GRIK3: variants seen among roughly 807,000 people sequenced by gnomAD.
The protein encoded by GRIK3 is glutamate receptor ionotropic, kainate 3.
In GRIK3, 29 loss-of-function variants were observed where a neutral mutation model predicts 102.5. The observed-to-expected ratio is 0.28, with a 90% CI of 0.21 to 0.39. The LOEUF (loss-of-function observed/expected upper bound fraction) is 0.39. Ranked by LOEUF, GRIK3 falls within the 10% of genes least tolerant of loss-of-function variation. The pLI is 1.00. For missense variants in GRIK3, 908 were observed against 1,252.4 expected, an observed-to-expected ratio of 0.73 and a Z score of 4.15; for synonymous variants, 511 against 504.9, an observed-to-expected ratio of 1.01 and a Z score of -0.16.
At chr1:36,804,831 A>C in intron 15 of GRIK3, 156 bp downstream of exon 15, 4 of 941,966 alleles carry the variant, frequency 4.2e-6, no homozygotes, top group Non-Finnish European at 6.4e-6. Flanking sequence ...AGGTCAGGAC[A>C]GAGGTAGAGT....
At chr1:36,962,263 T>A (rs1642018285) in intron 1 of GRIK3, among the ~76,000 whole-genome samples, 1 of 152,056 alleles carries the variant, frequency 6.6e-6, no homozygotes, top group African/African-American at 2.4e-5. Context: ...TCTCCATTCC[T>A]CTTATCTCTG....
rs1557690040 is a variant in GRIK3, at chr1:36,814,519, C to CA, written c.2091+2540_2091+2541insT. On this transcript the variant is annotated intron_variant, in intron 13 of 15. Coordinates refer to ENST00000373091, the MANE Select transcript of GRIK3 (RefSeq NM_000831.4). Reference sequence around the variant, plus strand: ...TATACACATACATAGACCCCCCCCCCCCACACACAGAGACACATATGCATG... The same window carrying CA: ...TATACACATACATAGACCCCCCCCCCACCACACACAGAGACACATATGCATG... Among the ~76,000 whole-genome samples the CA allele has an allele frequency of 1.4e-4, 19 of 135,718 alleles. No homozygotes were observed. The East Asian group carries it at 1.5e-3, about 10-fold the overall frequency. The allele number at this position is 135,718 out of a possible 152,430, so 89.0% of individuals were successfully genotyped here.
intron 10 of GRIK3, among the ~76,000 whole-genome samples, chr1:36,831,668 CTGTT>C (rs1640301481): frequency 6.6e-6 from 1 of 152,234 alleles, no homozygotes; most frequent in African/African-American, 2.4e-5. Flanking sequence ...AAAAGGTTCT[CTGTT>C]TGCACTGCCC....
intron 7 of GRIK3, among the ~76,000 whole-genome samples, chr1:36,854,266 T>C (rs765646080): frequency 7.2e-5 from 11 of 152,160 alleles, no homozygotes; most frequent in Non-Finnish European, 1.3e-4. Flanking sequence ...CGACCTTGGG[T>C]ATTTCATTTT....
chr1:36,973,183 G>A (rs1489918452), intron 1 of GRIK3, among the ~76,000 whole-genome samples: 2 of 152,146 alleles, frequency 1.3e-5, no homozygotes, highest in Non-Finnish European at 2.9e-5. Context: ...AGCATACAGA[G>A]GCCACCAGGG....
chr1:36,950,998 G>A (rs1227882329), intron 1 of GRIK3, among the ~76,000 whole-genome samples: 1 of 152,230 alleles, frequency 6.6e-6, no homozygotes, highest in Non-Finnish European at 1.5e-5. Context: ...TGTTAGCAGA[G>A]TTAGGGTGGA....
intron 3 of GRIK3, among the ~76,000 whole-genome samples, chr1:36,875,699 G>GT (rs1222005421): frequency 1.3e-5 from 2 of 152,240 alleles, no homozygotes; most frequent in Non-Finnish European, 2.9e-5. Flanking sequence ...CACCAAGCAG[G>GT]TGAGTGATCC....
In GRIK3 at chr1:36,850,307, T is replaced by C. The variant is rs759414698; in HGVS notation, c.1326+4A>G. The C allele has an allele frequency of 2.5e-6, 4 of 1,585,392 alleles. No homozygotes were observed. Among genetic ancestry groups the C allele is most frequent in the Non-Finnish European group, 3.5e-6 (4 of 1,153,926 alleles). ...TCCTTCCTGCAGGGGCTGCAGGCTCTTACCAGCACTGTGGTGACAATGAGT... is the reference window on the plus strand; with the variant it reads ...TCCTTCCTGCAGGGGCTGCAGGCTCCTACCAGCACTGTGGTGACAATGAGT... On this transcript the variant is annotated splice_donor_region_variant and intron_variant, in intron 9 of 15. Transcript: ENST00000373091. This position sits in a 1 kb window ranked among gnomAD's most constrained non-coding sequence, Gnocchi z 4.0.
At chr1:36,932,194 C>T (rs533940006) in intron 1 of GRIK3, among the ~76,000 whole-genome samples, 1 of 152,266 alleles carries the variant, frequency 6.6e-6, no homozygotes, top group Admixed American at 6.5e-5. Flanking sequence ...GCTGATTGAC[C>T]GTAACTCCAA....
intron 1 of GRIK3, among the ~76,000 whole-genome samples, chr1:37,033,475 A>C (rs1642851651): frequency 6.6e-6 from 1 of 151,886 alleles, no homozygotes; most frequent in South Asian, 2.1e-4. Flanking sequence ...GCCAAGGGCG[A>C]CCACCAGGAG....
At chr1:36,883,509 G>T (rs906524243) in intron 2 of GRIK3, among the ~76,000 whole-genome samples, 14 of 152,210 alleles carry the variant, frequency 9.2e-5, no homozygotes, top group African/African-American at 3.4e-4. Context: ...TGCAAGTATG[G>T]CTTTCCCTCT....
At chr1:36,989,205 C>T (rs775564835) in intron 1 of GRIK3, among the ~76,000 whole-genome samples, 3 of 152,216 alleles carry the variant, frequency 2.0e-5, no homozygotes, top group Non-Finnish European at 4.4e-5. Flanking sequence ...CACACACACA[C>T]GCATGCACAT....
intron 1 of GRIK3, among the ~76,000 whole-genome samples, chr1:36,938,630 C>T (rs1232145287): frequency 6.6e-6 from 1 of 152,114 alleles, no homozygotes; most frequent in African/African-American, 2.4e-5. Flanking sequence ...AAACCATCCC[C>T]CAGCAGCAGT....
At chr1:36,932,082 G>A (rs1056458350) in intron 1 of GRIK3, among the ~76,000 whole-genome samples, 3 of 152,026 alleles carry the variant, frequency 2.0e-5, no homozygotes, top group Non-Finnish European at 4.4e-5. Flanking sequence ...TATTGTTGTG[G>A]CTTCCTTGAG....
At chr1:37,031,662 G>T (rs1407779266) in intron 1 of GRIK3, among the ~76,000 whole-genome samples, 1 of 152,212 alleles carries the variant, frequency 6.6e-6, no homozygotes, top group South Asian at 2.1e-4. Context: ...CACTCCAGAG[G>T]GCCTAAATTC....
intron 1 of GRIK3, among the ~76,000 whole-genome samples, chr1:36,929,252 AG>A (rs1641562532): frequency 6.6e-6 from 1 of 152,148 alleles, no homozygotes; most frequent in South Asian, 2.1e-4. Context: ...CCATCTTCGA[AG>A]GTGCTCATTG....
intron 5 of GRIK3, among the ~76,000 whole-genome samples, chr1:36,868,603 A>G (rs953415325): frequency 7.2e-5 from 11 of 152,214 alleles, no homozygotes; most frequent in Non-Finnish European, 1.6e-4. Flanking sequence ...CAAGCTACCA[A>G]CATGACATGG....
chr1:36,862,008 T>G (rs1640732945), intron 5 of GRIK3, among the ~76,000 whole-genome samples: 1 of 151,972 alleles, frequency 6.6e-6, no homozygotes. Flanking sequence ...CCCTGTGAAG[T>G]AGGCATTGAA....
At chr1:36,829,409 G>T (rs1275023174) in intron 10 of GRIK3, among the ~76,000 whole-genome samples, 71 of 142,984 alleles carry the variant, frequency 5.0e-4, no homozygotes, top group Admixed American at 2.0e-3. Flanking sequence ...ATTGTTTTTT[G>T]TTTTTTTTTT....
Sources: gnomAD v4.1 joint callset for allele counts (sites outside exome capture counted in the v4.1 genomes callset) on GRCh38, gnomAD v4.1.1 for gene constraint, Gnocchi (gnomAD v3.1) non-coding constraint, MANE v1.5 for transcripts, NCBI Gene and HGNC (gene_info 2026-07-23, HGNC 2026-07-21) for gene names.